The following SYN3 variants were observed in gnomAD, a reference collection of about 807,000 sequenced individuals.
SYN3 encodes the protein synapsin III, also known as synapsin-3.
In SYN3, 35 loss-of-function variants were observed where a neutral mutation model predicts 65.8. The observed-to-expected ratio is 0.53, with a 90% CI of 0.41 to 0.70. The LOEUF (loss-of-function observed/expected upper bound fraction) is 0.70, where lower values mean the gene tolerates loss of function less well. Among genes scored for constraint, SYN3 ranks in the 30% least tolerant of loss-of-function variants. The probability of loss-of-function intolerance (pLI) is 0.00; values close to 1 mark genes in which losing one functional copy is unlikely to be tolerated. For synonymous variants in SYN3, 270 were observed against 292.9 expected, an observed-to-expected ratio of 0.92 and a Z score of 0.80; for missense variants, 680 against 749.0, an observed-to-expected ratio of 0.91 and a Z score of 1.08.
chr22:32,968,728 A>T (rs941758429), intron 3 of SYN3, among the ~76,000 whole-genome samples: 2 of 152,188 alleles, frequency 1.3e-5, no homozygotes, highest in Admixed American at 1.3e-4. Flanking sequence ...GCTGCACATC[A>T]GGTTCTCTGT....
chr22:32,710,488 C>A (rs996311731), intron 6 of SYN3, among the ~76,000 whole-genome samples: 1 of 151,874 alleles, frequency 6.6e-6, no homozygotes, highest in African/African-American at 2.4e-5. Context: ...AAAAAAGTAG[C>A]CAGGCGTGGT....
chr22:33,049,548 G>C (rs73881949), intron 1 of SYN3, among the ~76,000 whole-genome samples: 14,661 of 152,152 alleles, frequency 0.096, 1,012 homozygotes, highest in East Asian at 0.3. Context: ...TAATAACCAC[G>C]GGATGGTTTT....
At chr22:32,797,239 G>A (rs1271822786) in intron 6 of SYN3, among the ~76,000 whole-genome samples, 3 of 152,182 alleles carry the variant, frequency 2.0e-5, no homozygotes, top group East Asian at 3.9e-4. Context: ...TCTGAATGCT[G>A]GAAAGGGGTC....
intron 6 of SYN3, among the ~76,000 whole-genome samples, chr22:32,725,213 C>T (rs1465925490): frequency 5.3e-5 from 8 of 152,152 alleles, no homozygotes; most frequent in Admixed American, 4.6e-4. Context: ...GGTTTCTTTC[C>T]ACCACAGCAG....
chr22:32,513,984 A>G (rs899586128), intron 13 of SYN3, among the ~76,000 whole-genome samples, 160 bp from the exon 14 acceptor site: 6 of 152,234 alleles, frequency 3.9e-5, no homozygotes, highest in African/African-American at 7.2e-5. Context: ...TGTCAGGTAC[A>G]TTACACACAT....
At chr22:32,858,094 C>A in intron 6 of SYN3, 1 of 1,614,172 alleles carries the variant, frequency 6.2e-7, no homozygotes, top group Non-Finnish European at 8.5e-7. Context: ...CCTCTCCCAG[C>A]GCAAGGGGCT....
rs560703118 is a variant in SYN3 at position 32,869,439 on chromosome 22, T to G, written c.462-314A>C. On this transcript the variant is annotated intron_variant, in intron 4 of 13. Transcript: ENST00000358763. Reference sequence around the variant, plus strand: ...GCAACCAGAAAAAAATATATCAAAGTGAATCAACCGAGATTCTGCAAGGTA... The same window carrying G: ...GCAACCAGAAAAAAATATATCAAAGGGAATCAACCGAGATTCTGCAAGGTA... Among the ~76,000 whole-genome samples, 7 of 148,602 alleles carry G rather than the reference T, an allele frequency of 4.7e-5. No homozygotes were observed. The East Asian group carries it at 1.5e-3, about 31-fold the overall frequency.
At chr22:32,665,010 TTTTTTTTGG>T (rs2060270824) in intron 6 of SYN3, among the ~76,000 whole-genome samples, 1 of 132,720 alleles carries the variant, frequency 7.5e-6, no homozygotes, top group Non-Finnish European at 1.6e-5. Context: ...TTTTTTTTTT[TTTTTTTTGG>T]GGCAGAGCCT....
intron 1 of SYN3, among the ~76,000 whole-genome samples, chr22:33,048,277 T>C (rs1054917210): frequency 4.6e-5 from 7 of 152,030 alleles, no homozygotes; most frequent in Non-Finnish European, 1.0e-4. Context: ...AAAAAAAAAC[T>C]ATTAACGTGA....
intron 3 of SYN3, among the ~76,000 whole-genome samples, chr22:32,948,539 A>G (rs558156130): frequency 8.5e-5 from 13 of 152,150 alleles, no homozygotes; most frequent in African/African-American, 3.1e-4. Flanking sequence ...GATCGAGACC[A>G]TACTGGCTAA....
chr22:33,012,331 A>G (rs1193783834), intron 1 of SYN3, among the ~76,000 whole-genome samples: 1 of 152,184 alleles, frequency 6.6e-6, no homozygotes, highest in East Asian at 1.9e-4. Context: ...TGTCTTGTTA[A>G]TGCTTTTAAT....
intron 6 of SYN3, chr22:32,861,016 T>C (rs1313511337): frequency 2.0e-5 from 3 of 152,138 alleles, no homozygotes; most frequent in Admixed American, 1.3e-4. Flanking sequence ...GAGTAGGTGA[T>C]AATGTATATT....
chr22:32,947,420 A>T (rs2051147233), intron 3 of SYN3: 1 of 152,126 alleles, frequency 6.6e-6, no homozygotes, highest in Non-Finnish European at 1.5e-5. Context: ...TATCACCAAA[A>T]TTTTTTATAT....
At chr22:32,988,322 T>TAAA (rs1040234201) in intron 2 of SYN3, among the ~76,000 whole-genome samples, 1 of 145,344 alleles carries the variant, frequency 6.9e-6, no homozygotes, top group African/African-American at 2.5e-5. Flanking sequence ...ATAATAATAA[T>TAAA]AATAATAATA....
At chr22:32,752,142 C>T (rs779513003) in intron 6 of SYN3, among the ~76,000 whole-genome samples, 1 of 152,132 alleles carries the variant, frequency 6.6e-6, no homozygotes, top group Non-Finnish European at 1.5e-5. Flanking sequence ...CTACGAGTCC[C>T]CTAGGCATTG....
At chr22:32,780,978 C>CT (rs1452151080) in intron 6 of SYN3, among the ~76,000 whole-genome samples, 1 of 69,308 alleles carries the variant, frequency 1.4e-5, no homozygotes, top group South Asian at 6.7e-4. Context: ...TCCTTCCTTC[C>CT]CTCCTTCCTT....
At chr22:32,704,286 T>A (rs1477637845) in intron 6 of SYN3, among the ~76,000 whole-genome samples, 1 of 152,206 alleles carries the variant, frequency 6.6e-6, no homozygotes, top group Non-Finnish European at 1.5e-5. Flanking sequence ...TCACATCCTT[T>A]AGCTCCCACT....
intron 6 of SYN3, among the ~76,000 whole-genome samples, chr22:32,710,086 C>CAT (rs1176043983): frequency 2.1e-5 from 2 of 95,744 alleles, no homozygotes; most frequent in African/African-American, 1.1e-4. Flanking sequence ...CACACACACA[C>CAT]ACACACACAC....
At chr22:32,632,967 G>C (rs775061724) in intron 6 of SYN3, among the ~76,000 whole-genome samples, 1 of 152,194 alleles carries the variant, frequency 6.6e-6, no homozygotes, top group Non-Finnish European at 1.5e-5. Context: ...TTTATATAGT[G>C]GTCAAGCGTG....
Sources: allele counts gnomAD v4.1 joint callset (sites outside exome capture counted in the v4.1 genomes callset), GRCh38; gene constraint gnomAD v4.1.1; transcripts MANE v1.5; gene names NCBI Gene and HGNC (gene_info 2026-07-23, HGNC 2026-07-21).